The following KIAA1328 variants were observed in gnomAD, a reference collection of about 807,000 sequenced individuals.
KIAA1328 encodes protein hinderin.
A neutral mutation model predicts 68.1 loss-of-function variants in KIAA1328; 52 were observed. The observed-to-expected ratio is 0.76, with a 90% CI of 0.61 to 0.96. The LOEUF is 0.96. Among genes scored for constraint, KIAA1328 ranks in the 40% least tolerant of loss-of-function variants. The pLI is 0.00. For missense variants in KIAA1328, 641 were observed against 677.6 expected (o/e 0.95, Z 0.60); for synonymous variants, 232 against 239.4 (o/e 0.97, Z 0.28).
chr18:36,961,895 A>T (rs2051692583), intron 6 of KIAA1328, among the ~76,000 whole-genome samples: 1 of 152,252 alleles, frequency 6.6e-6, no homozygotes, highest in South Asian at 2.1e-4. Flanking sequence ...TGCTATGAAG[A>T]AACTGCATCA....
At chr18:37,090,985 A>G (rs1229897414) in intron 7 of KIAA1328, among the ~76,000 whole-genome samples, 1 of 152,206 alleles carries the variant, frequency 6.6e-6, no homozygotes, top group African/African-American at 2.4e-5. Context: ...TCATCAGAAG[A>G]TGATGAATAC....
At chr18:37,041,640 T>TTGTGTGTGTGTGTG (rs56237948) in intron 6 of KIAA1328, among the ~76,000 whole-genome samples, 1 of 146,910 alleles carries the variant, frequency 6.8e-6, no homozygotes, top group African/African-American at 2.5e-5. Context: ...TTTTTTGTGT[T>TTGTGTGTGTGTGTG]TGTGTGTGTG....
intron 7 of KIAA1328, among the ~76,000 whole-genome samples, chr18:37,076,303 A>G (rs1489493508): frequency 6.6e-6 from 1 of 152,164 alleles, no homozygotes; most frequent in Non-Finnish European, 1.5e-5. Flanking sequence ...AAGACACAAC[A>G]TACCAGAATC....
intron 7 of KIAA1328, among the ~76,000 whole-genome samples, chr18:37,085,071 G>A (rs987541619): frequency 6.6e-6 from 1 of 152,164 alleles, no homozygotes; most frequent in East Asian, 1.9e-4. Flanking sequence ...CTAGACTGGG[G>A]CGGGGGTAAA....
chr18:36,939,125 T>G (rs1048214658), intron 5 of KIAA1328, among the ~76,000 whole-genome samples: 1 of 152,114 alleles, frequency 6.6e-6, no homozygotes, highest in African/African-American at 2.4e-5. Flanking sequence ...TTTCTGTTTT[T>G]CGGAAAAATG....
chr18:37,116,954 C>A (rs960388064), intron 7 of KIAA1328, among the ~76,000 whole-genome samples: 8 of 152,168 alleles, frequency 5.3e-5, no homozygotes, highest in Non-Finnish European at 4.4e-5. Flanking sequence ...ATCAAAACCA[C>A]AATGAAATAC....
At chr18:37,189,115 C>T (rs1443558481) in intron 9 of KIAA1328, among the ~76,000 whole-genome samples, 1 of 152,176 alleles carries the variant, frequency 6.6e-6, no homozygotes, top group African/African-American at 2.4e-5. Context: ...AGTCCGAAGG[C>T]TCAAAAGAAG....
rs2059436011 is a variant in KIAA1328, at chr18:37,168,593, AAAGG to A, written c.1415-4376_1415-4373del. 2.6e-5 allele frequency among the ~76,000 whole-genome samples: 4 copies of A among 152,390 alleles called. No homozygotes were observed. The South Asian group carries it at 8.3e-4, about 32-fold the overall frequency. On this transcript the variant is annotated intron_variant, in intron 8 of 9. Coordinates refer to ENST00000280020, the MANE Select transcript of KIAA1328 (RefSeq NM_020776.3). The stretch of plus-strand genomic sequence containing the variant: ...GGTAAATTTTGCAGACAATTTAAGC[AAAGG>A]AAGTCTCAAAAATAATATACATATT...
intron 4 of KIAA1328, among the ~76,000 whole-genome samples, chr18:36,861,008 C>A (rs1430930676): frequency 6.6e-6 from 1 of 152,054 alleles, no homozygotes; most frequent in Non-Finnish European, 1.5e-5. Context: ...AAAAAATTAA[C>A]CTTGGTACAG....
chr18:37,204,105 T>C (rs1448281747), intron 9 of KIAA1328, among the ~76,000 whole-genome samples: 2 of 152,164 alleles, frequency 1.3e-5, no homozygotes, highest in Non-Finnish European at 2.9e-5. Flanking sequence ...CCACCACGCC[T>C]GGCCGGTGAA....
At chr18:36,873,794 C>T (rs149215235) in intron 4 of KIAA1328, among the ~76,000 whole-genome samples, 2 of 152,130 alleles carry the variant, frequency 1.3e-5, no homozygotes, top group African/African-American at 4.8e-5. Context: ...ACCCATCAAC[C>T]CATCATCTAC....
intron 7 of KIAA1328, among the ~76,000 whole-genome samples, chr18:37,104,436 A>G (rs779336123): frequency 6.6e-6 from 1 of 152,068 alleles, no homozygotes; most frequent in Non-Finnish European, 1.5e-5. Context: ...ACTGCATGAT[A>G]TCACTCATGT....
chr18:37,125,964 A>G (rs1434890248), intron 7 of KIAA1328, among the ~76,000 whole-genome samples: 3 of 152,284 alleles, frequency 2.0e-5, no homozygotes, highest in Admixed American at 2.0e-4. Context: ...TTTACTGTTA[A>G]GTACTTGTGC....
chr18:37,034,106 A>G (rs1358229841), intron 6 of KIAA1328, among the ~76,000 whole-genome samples: 1 of 152,218 alleles, frequency 6.6e-6, no homozygotes, highest in African/African-American at 2.4e-5. Context: ...GTTGAATTTT[A>G]GCATACAAAT....
chr18:37,067,080 A>C lies in KIAA1328; in HGVS notation c.767A>C (p.Lys256Thr). 1 of 1,613,892 alleles carries C rather than the reference A, an allele frequency of 6.2e-7. No individual in the cohort carries two copies. Among genetic ancestry groups the C allele is most frequent in the East Asian group, 2.2e-5 (1 of 44,872 alleles). The change falls in exon 7 of 10, where the codon AAA becomes ACA. Residue 256 changes from lysine (K) to threonine (T), a missense_variant. By Grantham distance (78) the Lys-to-Thr change is moderately conservative. Coordinates refer to ENST00000280020, the MANE Select transcript of KIAA1328 (RefSeq NM_020776.3). ...SLKPVTLHHP[K>T]DDLDKIPSET... ...AAACCAGTAACCCTTCATCATCCCA[A>C]AGATGATCTAGATAAGATACCATCA...
At chr18:36,942,356 A>G (rs2050746538) in intron 5 of KIAA1328, among the ~76,000 whole-genome samples, 1 of 152,202 alleles carries the variant, frequency 6.6e-6, no homozygotes, top group African/African-American at 2.4e-5. Flanking sequence ...GGTTTTCTGA[A>G]CAAGTGGTGT....
At chr18:37,063,464 C>A (rs1288242156) in intron 6 of KIAA1328, 1 of 173,966 alleles carries the variant, frequency 5.7e-6, no homozygotes, top group Admixed American at 6.5e-5. Context: ...CATATGAAGT[C>A]TGTTTTGCCA....
intron 4 of KIAA1328, among the ~76,000 whole-genome samples, chr18:36,853,509 CAT>C (rs2047282264): frequency 1.3e-5 from 2 of 151,984 alleles, no homozygotes; most frequent in South Asian, 4.2e-4. Flanking sequence ...TTACAGTTAA[CAT>C]AGTAAATTTG....
chr18:37,220,278 A>C (rs1285167586), intron 9 of KIAA1328, among the ~76,000 whole-genome samples: 1 of 152,216 alleles, frequency 6.6e-6, no homozygotes, highest in Non-Finnish European at 1.5e-5. Flanking sequence ...CATATAAGAA[A>C]CCAAAAATCA....
Sources: allele counts gnomAD v4.1 joint callset (sites outside exome capture counted in the v4.1 genomes callset), GRCh38; gene constraint gnomAD v4.1.1; transcripts MANE v1.5; gene names NCBI Gene and HGNC (gene_info 2026-07-23, HGNC 2026-07-21).